Variants in RIMS2 observed in about 807,000 individuals in gnomAD.
The protein encoded by RIMS2 is regulating synaptic membrane exocytosis protein 2.
In RIMS2, 59 loss-of-function variants were observed where a neutral mutation model predicts 174.4. The ratio of observed to expected loss-of-function variants is 0.34; its 90% CI spans 0.27 to 0.42. RIMS2 has a LOEUF of 0.42. Among genes scored for constraint, RIMS2 ranks in the 10% least tolerant of loss-of-function variants. The pLI is 1.00. For missense variants in RIMS2, 1,620 were observed against 1,666.3 expected (o/e 0.97, Z 0.48); for synonymous variants, 606 against 572.5 (o/e 1.06, Z -0.84).
chr8:103,517,832 C>CTGGGGTAA (rs1194424245), intron 1 of RIMS2, among the ~76,000 whole-genome samples: 2 of 151,936 alleles, frequency 1.3e-5, no homozygotes. Context: ...TCTGGGGTAT[C>CTGGGGTAA]CAATCTTTTG....
rs144004162 is a variant in RIMS2, at chr8:103,819,888, G to A, written c.698+53351G>A. Among the ~76,000 whole-genome samples the A allele has an allele frequency of 3.3e-5, 5 of 152,032 alleles. No homozygotes were observed. In the East Asian group the frequency reaches 7.7e-4, roughly 23 times the overall value. On this transcript the variant is annotated intron_variant, in intron 3 of 23. Coordinates refer to ENST00000504942, the Ensembl canonical transcript of RIMS2. ...AGATATCAGGCTGTTTCATTATTTT[G>A]TTTTCTAGATACATAAAATGACTTA...
chr8:103,765,067 T>G (rs528657549), intron 2 of RIMS2, among the ~76,000 whole-genome samples: 314 of 152,310 alleles, frequency 2.1e-3, no homozygotes, highest in African/African-American at 7.3e-3. Flanking sequence ...AAATGCCATG[T>G]TGAAACTTTT....
At chr8:103,649,268 C>A (rs918539461) in intron 1 of RIMS2, among the ~76,000 whole-genome samples, 2 of 152,148 alleles carry the variant, frequency 1.3e-5, no homozygotes, top group Non-Finnish European at 2.9e-5. Context: ...ATATTGGCCC[C>A]TAATCTCTTC....
At chr8:103,745,473 G>T (rs1459833643) in intron 2 of RIMS2, among the ~76,000 whole-genome samples, 2 of 152,044 alleles carry the variant, frequency 1.3e-5, no homozygotes, top group African/African-American at 4.8e-5. Flanking sequence ...AATTATCTTG[G>T]ATATTACCTA....
intron 19 of RIMS2, among the ~76,000 whole-genome samples, chr8:104,039,206 G>C (rs1302176862): frequency 6.6e-6 from 1 of 151,722 alleles, no homozygotes; most frequent in Non-Finnish European, 1.5e-5. Flanking sequence ...GCGTCACCAT[G>C]AGAGAATTAT....
intron 19 of RIMS2, among the ~76,000 whole-genome samples, chr8:104,023,751 G>A (rs2096174850): frequency 6.6e-6 from 1 of 152,062 alleles, no homozygotes; most frequent in African/African-American, 2.4e-5. Flanking sequence ...TTATAAAGAG[G>A]TATTTACCAC....
intron 1 of RIMS2, among the ~76,000 whole-genome samples, chr8:103,562,211 A>G (rs1195504678): frequency 1.3e-5 from 2 of 152,216 alleles, no homozygotes; most frequent in African/African-American, 4.8e-5. Context: ...AACTCATTTC[A>G]GCATTAACTC....
At chr8:103,759,564 CAAAAAAAAAAAA>C (rs35946104) in intron 2 of RIMS2, among the ~76,000 whole-genome samples, 33 of 70,030 alleles carry the variant, frequency 4.7e-4, no homozygotes, top group African/African-American at 1.5e-3. Context: ...GACTCCGTCT[CAAAAAAAAAAAA>C]AAAAAAAAAA....
At chr8:103,641,499 C>T (rs1198720494) in intron 1 of RIMS2, among the ~76,000 whole-genome samples, 1 of 152,072 alleles carries the variant, frequency 6.6e-6, no homozygotes, top group Non-Finnish European at 1.5e-5. Context: ...ATGTACCTAT[C>T]AACCAACCTC....
chr8:104,086,523 C>G (rs1441945806), intron 19 of RIMS2, among the ~76,000 whole-genome samples: 1 of 151,984 alleles, frequency 6.6e-6, no homozygotes, highest in Non-Finnish European at 1.5e-5. Context: ...TGAGTTCCCA[C>G]AAAGCCAAGC....
At chr8:103,512,888 A>G (rs73282838) in intron 1 of RIMS2, among the ~76,000 whole-genome samples, 2,727 of 152,296 alleles carry the variant, frequency 0.018, 72 homozygotes, top group African/African-American at 0.061. Context: ...CTCAAACTAG[A>G]CAATGAGCTT....
intron 1 of RIMS2, among the ~76,000 whole-genome samples, chr8:103,646,990 T>G (rs10102679): frequency 0.36 from 54,846 of 152,008 alleles, 10,616 homozygotes; most frequent in East Asian, 0.77. Context: ...TGGCTCTTAT[T>G]ATTTTGAGGT....
chr8:103,683,042 C>T (rs2096898993), intron 1 of RIMS2, among the ~76,000 whole-genome samples: 1 of 152,186 alleles, frequency 6.6e-6, no homozygotes, highest in Non-Finnish European at 1.5e-5. Flanking sequence ...GAGGCATAGT[C>T]ATTATAGTTA....
chr8:103,579,178 G>T lies in RIMS2; in HGVS notation c.176+78116G>T, dbSNP rs139771302. 7.2e-5 allele frequency among the ~76,000 whole-genome samples: 11 copies of T among 152,004 alleles called. No individual in the cohort carries two copies. The East Asian group carries it at 2.1e-3, about 29-fold the overall frequency. The stretch of plus-strand genomic sequence containing the variant: ...AGCTACTTGAGAGAAAGAAGTGGGA[G>T]AATTGCTTGAGCCTGGGAGTTCAGG... On this transcript the variant is annotated intron_variant, in intron 1 of 23. Transcript: ENST00000504942.
intron 3 of RIMS2, among the ~76,000 whole-genome samples, chr8:103,769,656 A>G (rs1202871486): frequency 6.6e-6 from 1 of 152,178 alleles, no homozygotes; most frequent in African/African-American, 2.4e-5. Flanking sequence ...GAAGGTGGTA[A>G]TGAGAACAAA....
At chr8:103,911,908 T>C in intron 5 of RIMS2, 145 bp from the exon 9 acceptor site, 1 of 552,778 alleles carries the variant, frequency 1.8e-6, no homozygotes, top group African/African-American at 1.9e-5. Flanking sequence ...TGCTTTGAAA[T>C]GAAAGCTGGT....
chr8:103,557,025 C>T (rs79113915), intron 1 of RIMS2, among the ~76,000 whole-genome samples: 1,585 of 151,996 alleles, frequency 0.01, 30 homozygotes, highest in African/African-American at 0.036. Context: ...AATTAAATCT[C>T]GATAAATAGA....
chr8:103,865,533 C>T (rs1346919337), intron 3 of RIMS2, among the ~76,000 whole-genome samples: 2 of 152,072 alleles, frequency 1.3e-5, no homozygotes, highest in South Asian at 4.1e-4. Context: ...GATCTGTCCA[C>T]CTCGGCCTCC....
At chr8:104,024,069 A>G (rs985987289) in intron 19 of RIMS2, among the ~76,000 whole-genome samples, 3 of 152,178 alleles carry the variant, frequency 2.0e-5, no homozygotes, top group Non-Finnish European at 4.4e-5. Context: ...AGAGGAATGG[A>G]GACAGCAAGT....
Sources: allele counts gnomAD v4.1 joint callset (sites outside exome capture counted in the v4.1 genomes callset), GRCh38; gene constraint gnomAD v4.1.1; transcripts MANE v1.5; gene names NCBI Gene and HGNC (gene_info 2026-07-23, HGNC 2026-07-21).